ZNF569: variants seen among roughly 807,000 people sequenced by gnomAD.
The protein encoded by ZNF569 is DNA-binding protein.
In ZNF569, 38 loss-of-function variants were observed where a neutral mutation model predicts 56.3. That is an observed-to-expected ratio of 0.68 (90% CI 0.52 to 0.88). The LOEUF (loss-of-function observed/expected upper bound fraction) is 0.88, where lower values mean the gene tolerates loss of function less well. Ranked by LOEUF, ZNF569 falls within the 40% of genes least tolerant of loss-of-function variation. The pLI is 0.00. For missense variants in ZNF569, 666 were observed against 809.2 expected (o/e 0.82, Z 2.15); for synonymous variants, 241 against 262.9 (o/e 0.92, Z 0.81).
chr19:37,465,468 A>C lies in ZNF569; in HGVS notation c.-199T>G, dbSNP rs1477747773. The C allele has an allele frequency of 1.3e-5, 2 of 152,252 alleles. No individual in the cohort carries two copies. The highest frequency in any genetic ancestry group is 2.9e-5 in the Non-Finnish European group (2 of 68,046). The allele number at this position is 152,252 out of a possible 1,614,324, so 9.4% of individuals were successfully genotyped here. ...GAATGAATGAATCCTTAATATATGA[A>C]GAACTCTGGAAAAGAAATTTGAAAA... On this transcript the variant is annotated 5_prime_UTR_variant, in exon 2 of 6. Transcript: ENST00000316950.
intron 3 of ZNF569, chr19:37,427,742 G>C: frequency 2.0e-6 from 1 of 500,742 alleles, no homozygotes; most frequent in Admixed American, 2.1e-5. Context: ...AAAAGGCAAA[G>C]TGTCAGAGGA....
intron 2 of ZNF569, among the ~76,000 whole-genome samples, chr19:37,457,250 T>C (rs2041687531): frequency 6.6e-6 from 1 of 152,202 alleles, no homozygotes; most frequent in Non-Finnish European, 1.5e-5. Context: ...ACTTCCCTAG[T>C]TGTCGCAACA....
At chr19:37,421,743 CTT>C (rs748058159) in intron 5 of ZNF569, among the ~76,000 whole-genome samples, 10 of 79,692 alleles carry the variant, frequency 1.3e-4, no homozygotes, top group African/African-American at 3.6e-4. Context: ...TGTAGTGGCA[CTT>C]TTTTTTTTTT....
chr19:37,448,137 G>A (rs1028147151), intron 2 of ZNF569, among the ~76,000 whole-genome samples: 9 of 152,250 alleles, frequency 5.9e-5, no homozygotes, highest in Admixed American at 2.0e-4. Flanking sequence ...TTCTGGAAAA[G>A]TTTGTATAGA....
At position 37,413,783 on chromosome 19, in the gene ZNF569, T is replaced by A; in HGVS notation, c.875A>T (p.His292Leu). ...ACATTCATAAGGTTTCTCTCCAGTA[T>A]GAATTTTTTCATGATCAATAAGATT... ...KSNLIDHEKI[H>L]TGEKPYECNE... is the part of the protein sequence containing the mutation. The change falls in exon 6 of 6, where the codon CAT becomes CTT. Residue 292 changes from histidine to leucine, a missense_variant. Physicochemically the swap from His to Leu is moderately conservative, Grantham distance 99 (BLOSUM62 -3). Transcript: ENST00000316950. 6.2e-7 allele frequency: 1 copy of A among 1,613,718 alleles called. No individual in the cohort carries two copies. The highest frequency in any genetic ancestry group is 1.1e-5 in the South Asian group (1 of 91,074).
rs545559315 is a variant in ZNF569, at chr19:37,448,556, C to CTTTTT, written c.-43-3597_-43-3593dup. ...AAATTGTCCTGAATTATGCTGTAAT[C>CTTTTT]TTTTTTTTTTTTTTTTTTTTTTTTT... On this transcript the variant is annotated intron_variant, in intron 2 of 5. Transcript: ENST00000316950. Among the ~76,000 whole-genome samples, 73 of 72,526 alleles carry CTTTTT rather than the reference C, an allele frequency of 1.0e-3. 3 individuals carry two copies. The highest frequency in any genetic ancestry group is 0.019 in the Middle Eastern group (1 of 52). The allele number at this position is 72,526 out of a possible 152,430, so 47.6% of individuals were successfully genotyped here. A position where few individuals can be genotyped will look rare whatever the true frequency, so the allele number is the denominator to read the frequency against.
At chr19:37,463,600 A>G (rs1000095520) in intron 2 of ZNF569, among the ~76,000 whole-genome samples, 1 of 152,240 alleles carries the variant, frequency 6.6e-6, no homozygotes, top group African/African-American at 2.4e-5. Context: ...TATACTTTTT[A>G]TTGTTAGAGT....
chr19:37,414,337 C>T lies in ZNF569; in HGVS notation c.321G>A (p.Leu107=), dbSNP rs775907398. 1.9e-6 allele frequency: 3 copies of T among 1,613,170 alleles called. No homozygotes were observed. The highest frequency in any genetic ancestry group is 2.5e-6 in the Non-Finnish European group (3 of 1,179,662). ...RQVEVKFQKT[L]TEEKGNECQK... The stretch of plus-strand genomic sequence containing the variant: ...GACATTCATTGCCTTTTTCTTCAGT[C>T]AGTGTTTTCTGGAATTTAACTTCAA... The change falls in exon 6 of 6, where the codon CTG becomes CTA. Residue 107 remains leucine (L), a synonymous_variant. Transcript: ENST00000316950.
At chr19:37,448,258 T>C (rs139862832) in intron 2 of ZNF569, among the ~76,000 whole-genome samples, 164 of 152,350 alleles carry the variant, frequency 1.1e-3, no homozygotes, top group African/African-American at 3.5e-3. Flanking sequence ...CATTAATAGA[T>C]ATACAACTAT....
chr19:37,445,797 A>G (rs2041483610), intron 2 of ZNF569, among the ~76,000 whole-genome samples: 2 of 152,202 alleles, frequency 1.3e-5, no homozygotes, highest in Non-Finnish European at 1.5e-5. Flanking sequence ...GAAATCACAG[A>G]TAACACAAAC....
At chr19:37,430,805 C>T (rs1476526196) in intron 3 of ZNF569, among the ~76,000 whole-genome samples, 10 of 152,238 alleles carry the variant, frequency 6.6e-5, no homozygotes, top group Admixed American at 5.9e-4. Context: ...AATTGCTGAT[C>T]GTGAATTGCT....
intron 2 of ZNF569, among the ~76,000 whole-genome samples, chr19:37,456,967 CA>C (rs560827115): frequency 4.0e-4 from 45 of 113,772 alleles, no homozygotes; most frequent in Non-Finnish European, 5.0e-4. Flanking sequence ...GACACCGTCT[CA>C]AAAAAAAAAA....
upstream of ZNF569, chr19:37,467,726 A>C: frequency 1.5e-6 from 1 of 673,468 alleles, no homozygotes; most frequent in Non-Finnish European, 2.6e-6. Context: ...GTGTGACTGT[A>C]TGTGTGAAAC....
intron 2 of ZNF569, among the ~76,000 whole-genome samples, chr19:37,455,271 A>G (rs1035522366): frequency 6.6e-6 from 1 of 152,238 alleles, no homozygotes; most frequent in Non-Finnish European, 1.5e-5. Context: ...AAGGCCTCAG[A>G]AAAGACGGAA....
chr19:37,419,297 TAATA>T (rs1255476137), intron 5 of ZNF569, among the ~76,000 whole-genome samples: 4 of 152,184 alleles, frequency 2.6e-5, no homozygotes, highest in African/African-American at 9.7e-5. Flanking sequence ...TACAAAAAGA[TAATA>T]AATTAAAATC....
At chr19:37,447,630 G>A (rs2041519843) in intron 2 of ZNF569, among the ~76,000 whole-genome samples, 1 of 152,108 alleles carries the variant, frequency 6.6e-6, no homozygotes, top group Non-Finnish European at 1.5e-5. Context: ...CAGTACAATA[G>A]TGACTATTAT....
chr19:37,427,122 G>A (rs1346611374), intron 3 of ZNF569, among the ~76,000 whole-genome samples: 2 of 145,576 alleles, frequency 1.4e-5, no homozygotes, highest in Non-Finnish European at 3.0e-5. Flanking sequence ...GTTTTGAGAC[G>A]GGCCTGGGCA....
At chr19:37,469,150 GCT>G, upstream of ZNF569, 13 of 1,131,080 alleles carry the variant, frequency 1.1e-5, no homozygotes, top group Non-Finnish European at 1.4e-5. Flanking sequence ...GGACTTTCGG[GCT>G]CTCTGGAAGG....
chr19:37,412,516 T>C lies in ZNF569; in HGVS notation c.*81A>G. ...CTATCCCACATTCATAGTTTTCTAC[T>C]CTGGAAGTGATCATGTAATGTGCAA... On this transcript the variant is annotated 3_prime_UTR_variant, in exon 6 of 6. Coordinates refer to ENST00000316950, the MANE Select transcript of ZNF569 (RefSeq NM_152484.3). 6.8e-7 allele frequency: 1 copy of C among 1,477,916 alleles called. No homozygotes were observed. 91.6% of individuals were successfully genotyped at this position (1,477,916 alleles called of 1,614,324 possible). A position where few individuals can be genotyped will look rare whatever the true frequency, so the allele number is the denominator to read the frequency against.
Sources: allele counts gnomAD v4.1 joint callset (sites outside exome capture counted in the v4.1 genomes callset), GRCh38; gene constraint gnomAD v4.1.1; transcripts MANE v1.5; gene names NCBI Gene and HGNC (gene_info 2026-07-23, HGNC 2026-07-21).